The following WWOX variants were observed in gnomAD, a reference collection of about 807,000 sequenced individuals.
WWOX encodes WW domain-containing oxidoreductase.
A neutral mutation model predicts 46.2 loss-of-function variants in WWOX; 69 were observed. The ratio of observed to expected loss-of-function variants is 1.49; its 90% CI spans 1.23 to 1.82. The LOEUF is 1.82. Among genes scored for constraint, WWOX ranks in the 40% most tolerant of loss-of-function variants. The pLI is 0.00. For missense variants in WWOX, 919 were observed against 542.6 expected, an observed-to-expected ratio of 1.69 and a Z score of -6.89; for synonymous variants, 359 against 202.6, an observed-to-expected ratio of 1.77 and a Z score of -6.56.
At chr16:78,677,056 C>CT (rs34029812) in intron 8 of WWOX, among the ~76,000 whole-genome samples, 2,054 of 147,838 alleles carry the variant, frequency 0.014, 20 homozygotes, top group South Asian at 0.041. Flanking sequence ...ACCTAGCGTA[C>CT]TTTTTTTTTT....
intron 8 of WWOX, among the ~76,000 whole-genome samples, chr16:78,839,794 G>A (rs1432542599): frequency 1.3e-5 from 2 of 152,120 alleles, no homozygotes; most frequent in African/African-American, 4.8e-5. Flanking sequence ...GAGAAGGCTT[G>A]AAGAACCCAC....
chr16:78,257,133 A>G (rs2038153854), intron 5 of WWOX, among the ~76,000 whole-genome samples: 1 of 151,940 alleles, frequency 6.6e-6, no homozygotes, highest in African/African-American at 2.4e-5. Context: ...TGGCTACTAG[A>G]TTGTTTAAAG....
chr16:79,076,120 G>C (rs1181224922), intron 8 of WWOX, among the ~76,000 whole-genome samples: 4 of 152,186 alleles, frequency 2.6e-5, no homozygotes, highest in Non-Finnish European at 5.9e-5. Context: ...GTAAGAGTAA[G>C]ACCAGCCTAC....
intron 8 of WWOX, among the ~76,000 whole-genome samples, chr16:78,544,758 C>G (rs886680791): frequency 1.3e-5 from 2 of 151,666 alleles, no homozygotes; most frequent in South Asian, 2.1e-4. Context: ...TCCTGTGGTT[C>G]CAGCTACTCA....
chr16:78,215,185 C>G (rs1426532747), intron 5 of WWOX, among the ~76,000 whole-genome samples: 1 of 152,172 alleles, frequency 6.6e-6, no homozygotes, highest in Non-Finnish European at 1.5e-5. Context: ...ATTTTCTTCC[C>G]CATATCAAGC....
intron 8 of WWOX, among the ~76,000 whole-genome samples, chr16:78,629,455 C>T (rs780614524): frequency 6.6e-6 from 1 of 152,210 alleles, no homozygotes; most frequent in Non-Finnish European, 1.5e-5. Context: ...AAGCTGGAGT[C>T]ATTTCTCTAA....
chr16:78,814,921 A>T (rs575691459), intron 8 of WWOX, among the ~76,000 whole-genome samples: 4 of 152,118 alleles, frequency 2.6e-5, no homozygotes, highest in Non-Finnish European at 5.9e-5. Flanking sequence ...CCTGGCCTGG[A>T]AGCTGACCAT....
At chr16:78,656,170 G>C (rs940084228) in intron 8 of WWOX, among the ~76,000 whole-genome samples, 2 of 151,970 alleles carry the variant, frequency 1.3e-5, no homozygotes, top group African/African-American at 4.8e-5. Context: ...CATAACATTT[G>C]TGTGTGTGTG....
At position 79,141,447 on chromosome 16, in the gene WWOX, G is replaced by C. The variant is rs1055683371; in HGVS notation, c.1057-70161G>C. Among the ~76,000 whole-genome samples, 4 of 152,188 alleles carry C rather than the reference G, an allele frequency of 2.6e-5. No homozygotes were observed. The East Asian group carries it at 7.7e-4, about 29-fold the overall frequency. On this transcript the variant is annotated intron_variant, in intron 8 of 8. Transcript: ENST00000566780. Reference sequence around the variant, plus strand: ...TTGGCAAAATAAACTTTCTAAATTAGCTGAGACCTGGCTCAGATTTTCAGG... The same window carrying C: ...TTGGCAAAATAAACTTTCTAAATTACCTGAGACCTGGCTCAGATTTTCAGG...
intron 8 of WWOX, among the ~76,000 whole-genome samples, chr16:78,818,638 GGAGGATCACTT>G (rs2051408653): frequency 6.6e-6 from 1 of 152,206 alleles, no homozygotes; most frequent in African/African-American, 2.4e-5. Flanking sequence ...GACTGAGGCA[GGAGGATCACTT>G]GAGCCTCGTA....
chr16:78,409,905 A>C (rs966850988), intron 6 of WWOX, among the ~76,000 whole-genome samples: 3 of 152,168 alleles, frequency 2.0e-5, no homozygotes, highest in African/African-American at 7.2e-5. Context: ...CACTGTGCTT[A>C]CCTAGATTAT....
At chr16:79,027,615 T>C (rs571996196) in intron 8 of WWOX, among the ~76,000 whole-genome samples, 2 of 152,006 alleles carry the variant, frequency 1.3e-5, no homozygotes, top group East Asian at 3.9e-4. Context: ...GAAAAATCTC[T>C]TCCTTTCCTA....
intron 8 of WWOX, chr16:78,757,141 C>T (rs977442689): frequency 1.6e-6 from 1 of 632,544 alleles, no homozygotes. Flanking sequence ...AGCTAAGCTG[C>T]TCACAAGTTT....
chr16:78,871,862 C>G (rs1204971783), intron 8 of WWOX, among the ~76,000 whole-genome samples: 2 of 152,180 alleles, frequency 1.3e-5, no homozygotes, highest in Non-Finnish European at 2.9e-5. Context: ...CTTGGCCTCC[C>G]AAAGCGCTGG....
chr16:78,125,958 A>C (rs1018989517), intron 4 of WWOX, among the ~76,000 whole-genome samples: 2 of 152,180 alleles, frequency 1.3e-5, no homozygotes, highest in Admixed American at 6.5e-5. Context: ...AATAAGAATA[A>C]AAGATTTAAA....
intron 5 of WWOX, among the ~76,000 whole-genome samples, chr16:78,253,370 TG>T (rs2038036455): frequency 6.6e-6 from 1 of 152,232 alleles, no homozygotes; most frequent in South Asian, 2.1e-4. Context: ...GTGTTTTGCA[TG>T]TGCTTCGACT....
At chr16:78,764,087 G>A (rs2049866757) in intron 8 of WWOX, among the ~76,000 whole-genome samples, 1 of 152,180 alleles carries the variant, frequency 6.6e-6, no homozygotes, top group South Asian at 2.1e-4. Context: ...GTTGATGTGA[G>A]TAGGATCAGC....
At position 79,002,596 on chromosome 16, in the gene WWOX, G is replaced by T. The variant is rs568988594; in HGVS notation, c.1057-209012G>T. Among the ~76,000 whole-genome samples, 14 of 152,312 alleles carry T rather than the reference G, an allele frequency of 9.2e-5. No homozygotes were observed. The South Asian group carries it at 2.5e-3, about 27-fold the overall frequency. ...TAAAGTGATGATGATGATTACAGCA[G>T]ATCAGTTATTTTGAGCTCTGACTTT... is the stretch of plus-strand genomic sequence containing the variant. On this transcript the variant is annotated intron_variant, in intron 8 of 8. Transcript: ENST00000566780.
intron 8 of WWOX, among the ~76,000 whole-genome samples, chr16:79,208,800 A>ATAT (rs2051611079): frequency 6.6e-6 from 1 of 152,218 alleles, no homozygotes; most frequent in South Asian, 2.1e-4. Context: ...ACATCTGATC[A>ATAT]TATTAAGATG....
Sources: allele counts gnomAD v4.1 joint callset (sites outside exome capture counted in the v4.1 genomes callset), GRCh38; gene constraint gnomAD v4.1.1; transcripts MANE v1.5; gene names NCBI Gene and HGNC (gene_info 2026-07-23, HGNC 2026-07-21).